SNX13: variants seen among roughly 807,000 people sequenced by gnomAD.
The protein encoded by SNX13 is sorting nexin-13.
A neutral mutation model predicts 133.6 loss-of-function variants in SNX13; 45 were observed. The observed-to-expected ratio is 0.34, with a 90% CI of 0.27 to 0.43. The LOEUF (loss-of-function observed/expected upper bound fraction) is 0.43. Among genes scored for constraint, SNX13 ranks in the 20% least tolerant of loss-of-function variants. The probability of loss-of-function intolerance (pLI) is 1.00; values close to 1 mark genes in which losing one functional copy is unlikely to be tolerated. For synonymous variants in SNX13, 414 were observed against 373.9 expected, an observed-to-expected ratio of 1.11 and a Z score of -1.24; for missense variants, 1,032 against 1,145.1, an observed-to-expected ratio of 0.90 and a Z score of 1.43.
intron 1 of SNX13, among the ~76,000 whole-genome samples, chr7:17,933,576 G>T (rs1450060514): frequency 6.6e-6 from 1 of 151,288 alleles, no homozygotes. Flanking sequence ...CTTGCTTTAA[G>T]GCATTCATTG....
At chr7:17,854,146 T>A (rs1011771817) in intron 9 of SNX13, among the ~76,000 whole-genome samples, 5 of 152,154 alleles carry the variant, frequency 3.3e-5, no homozygotes, top group African/African-American at 9.7e-5. Context: ...AGAAAGGGTG[T>A]TTAATGCAAC....
At chr7:17,935,377 G>C (rs976237213) in intron 1 of SNX13, among the ~76,000 whole-genome samples, 3 of 152,170 alleles carry the variant, frequency 2.0e-5, no homozygotes, top group Admixed American at 2.0e-4. Context: ...AGGGAGCAAT[G>C]GGGATATACT....
At chr7:17,893,494 C>T (rs1294849551) in intron 2 of SNX13, 60 bp from the exon 3 acceptor site, 1 of 1,034,794 alleles carries the variant, frequency 9.7e-7, no homozygotes, top group Non-Finnish European at 1.4e-6. Context: ...TTTAATGAAT[C>T]TACTACCAAG....
At chr7:17,921,477 T>C (rs1432565646) in intron 1 of SNX13, among the ~76,000 whole-genome samples, 3 of 152,176 alleles carry the variant, frequency 2.0e-5, no homozygotes, top group African/African-American at 4.8e-5. Context: ...AACTTCACTA[T>C]TTTTGCTTCA....
At chr7:17,813,825 A>G (rs1358850153) in intron 20 of SNX13, among the ~76,000 whole-genome samples, 1 of 152,088 alleles carries the variant, frequency 6.6e-6, no homozygotes, top group Non-Finnish European at 1.5e-5. Context: ...GGCCCAAGCA[A>G]TCCACCCACC....
rs1796837643 is a variant in SNX13, at chr7:17,893,312, T to C, written c.228+20A>G. ...CAAAGAACTGGACTTTGAGGTTTTATATTCCCTCAAACGATTTACCTTAGG... is the reference window on the plus strand; with the variant it reads ...CAAAGAACTGGACTTTGAGGTTTTACATTCCCTCAAACGATTTACCTTAGG... On this transcript the variant is annotated intron_variant, in intron 3 of 25. Transcript: ENST00000428135. 3 of 1,501,088 alleles carry C rather than the reference T, an allele frequency of 2.0e-6. No homozygotes were observed. Among genetic ancestry groups the C allele is most frequent in the Non-Finnish European group, 2.7e-6 (3 of 1,098,702 alleles). 93.0% of individuals were successfully genotyped at this position (1,501,088 alleles called of 1,614,324 possible). A position where few individuals can be genotyped will look rare whatever the true frequency, so the allele number is the denominator to read the frequency against.
chr7:17,928,115 C>T (rs1234564847), intron 1 of SNX13, among the ~76,000 whole-genome samples: 1 of 152,184 alleles, frequency 6.6e-6, no homozygotes, highest in African/African-American at 2.4e-5. Context: ...GCAGAGAAAG[C>T]TAGATCCTCA....
chr7:17,815,457 C>T (rs1163359905), intron 19 of SNX13, among the ~76,000 whole-genome samples: 1 of 152,106 alleles, frequency 6.6e-6, no homozygotes, highest in Non-Finnish European at 1.5e-5. Context: ...CAGTGGCATG[C>T]ACCTGTAGTC....
At chr7:17,875,873 C>A in intron 5 of SNX13, 83 bp from the exon 6 acceptor site, 2 of 1,103,330 alleles carry the variant, frequency 1.8e-6, no homozygotes, top group Non-Finnish European at 2.5e-6. Context: ...TACTGACAAA[C>A]AACATGATTA....
At chr7:17,798,024 A>T (rs377441231) in intron 24 of SNX13, among the ~76,000 whole-genome samples, 4 of 151,890 alleles carry the variant, frequency 2.6e-5, no homozygotes, top group African/African-American at 7.2e-5. Context: ...TTCAATACTG[A>T]TAGTTCCCTT....
At chr7:17,830,315 T>A in intron 15 of SNX13, 1 of 984,338 alleles carries the variant, frequency 1.0e-6, no homozygotes, top group South Asian at 4.7e-5. Flanking sequence ...AGGAGAGTAA[T>A]TATTAAATGT....
chr7:17,847,725 T>C (rs1231242464), intron 11 of SNX13, among the ~76,000 whole-genome samples: 1 of 152,180 alleles, frequency 6.6e-6, no homozygotes, highest in African/African-American at 2.4e-5. Flanking sequence ...AATTTACCTC[T>C]TCCCATTCTC....
intron 9 of SNX13, among the ~76,000 whole-genome samples, chr7:17,860,785 C>T (rs147920711): frequency 6.6e-6 from 1 of 152,280 alleles, no homozygotes; most frequent in Non-Finnish European, 1.5e-5. Context: ...TGAGAACTTA[C>T]TTCTCAGTTC....
At chr7:17,937,276 A>G (rs1180059667) in intron 1 of SNX13, among the ~76,000 whole-genome samples, 1 of 152,122 alleles carries the variant, frequency 6.6e-6, no homozygotes, top group Non-Finnish European at 1.5e-5. Context: ...ACTGAGTGAT[A>G]TTCCATTTTA....
At chr7:17,805,244 T>TGTGTGTGTGC (rs1554304228) in intron 20 of SNX13, among the ~76,000 whole-genome samples, 17 of 107,300 alleles carry the variant, frequency 1.6e-4, no homozygotes, top group African/African-American at 5.3e-4. Context: ...TGTGTGTGTG[T>TGTGTGTGTGC]GTGTGTGCGT....
chr7:17,928,335 A>AT (rs1057464744), intron 1 of SNX13, among the ~76,000 whole-genome samples: 10 of 152,272 alleles, frequency 6.6e-5, no homozygotes, highest in East Asian at 5.8e-4. Context: ...TCTCTAAAAA[A>AT]ATATATATAT....
chr7:17,877,045 G>GAAAAAAAAAAAA (rs57618763), intron 5 of SNX13, among the ~76,000 whole-genome samples: 1 of 60,064 alleles, frequency 1.7e-5, no homozygotes. Flanking sequence ...GTTACTTTTT[G>GAAAAAAAAAAAA]AAAAAAAAAA....
At chr7:17,902,412 A>G (rs1797936212) in intron 1 of SNX13, among the ~76,000 whole-genome samples, 1 of 152,208 alleles carries the variant, frequency 6.6e-6, no homozygotes, top group African/African-American at 2.4e-5. Flanking sequence ...CAAATGTTAA[A>G]CTGTTCATTG....
chr7:17,900,720 T>C (rs1252112962), intron 1 of SNX13, among the ~76,000 whole-genome samples: 1 of 151,960 alleles, frequency 6.6e-6, no homozygotes, highest in East Asian at 1.9e-4. Context: ...GGCTCCCCTC[T>C]GGCTCAGGGT....
Sources: allele counts gnomAD v4.1 joint callset (sites outside exome capture counted in the v4.1 genomes callset), GRCh38; gene constraint gnomAD v4.1.1; transcripts MANE v1.5; gene names NCBI Gene and HGNC (gene_info 2026-07-23, HGNC 2026-07-21).